Variants in CHRNA9 observed in about 807,000 individuals in gnomAD.
CHRNA9 encodes the protein cholinergic receptor nicotinic alpha 9 subunit.
CHRNA9 carries 24 observed loss-of-function variants against 36.8 expected under a neutral mutation model. The ratio of observed to expected loss-of-function variants is 0.65; its 90% CI spans 0.47 to 0.92. The LOEUF (loss-of-function observed/expected upper bound fraction) is 0.92, where lower values mean the gene tolerates loss of function less well. Ranked by LOEUF, CHRNA9 falls within the 40% of genes least tolerant of loss-of-function variation. The probability of loss-of-function intolerance (pLI) is 0.00; values close to 1 mark genes in which losing one functional copy is unlikely to be tolerated. For missense variants in CHRNA9, 610 were observed against 601.2 expected (o/e 1.01, Z -0.15); for synonymous variants, 231 against 231.8 (o/e 1.00, Z 0.03).
At position 40,349,266 on chromosome 4, in the gene CHRNA9, CA is replaced by C. The variant is rs1281616387; in HGVS notation, c.751del (p.Ile251TyrfsTer7). On this transcript the variant is annotated frameshift_variant, in exon 4 of 5. Coordinates refer to ENST00000310169, the MANE Select transcript of CHRNA9 (RefSeq NM_017581.4). LOFTEE classifies it high-confidence loss of function. ...IVNLLIPCVL[I>X]SFLAPLSFYL... The stretch of plus-strand genomic sequence containing the variant: ...TCAACCTCCTCATCCCATGCGTCCT[CA>C]TATCTTTTCTGGCTCCTCTGAGTTT... 1.2e-6 allele frequency: 2 copies of C among 1,614,172 alleles called. No homozygotes were observed.
intron 2 of CHRNA9, among the ~76,000 whole-genome samples, chr4:40,336,805 T>G (rs1370982070): frequency 6.6e-6 from 1 of 152,190 alleles, no homozygotes; most frequent in Non-Finnish European, 1.5e-5. Context: ...AAAAAGGTAG[T>G]GTTTTAAGAT....
rs183841922 is a variant in CHRNA9, at chr4:40,353,616, C to T, written c.899-363C>T. Among the ~76,000 whole-genome samples, 45 of 152,276 alleles carry T rather than the reference C, an allele frequency of 3.0e-4. No individual in the cohort carries two copies. The East Asian group carries it at 8.3e-3, about 28-fold the overall frequency. ...TAACAATGTTTTGGTAAATGACAGA[C>T]CGTGTATACAACAATGGTCCCATAA... On this transcript the variant is annotated intron_variant, in intron 4 of 4. Coordinates refer to ENST00000310169, the MANE Select transcript of CHRNA9 (RefSeq NM_017581.4).
At chr4:40,338,664 C>A (rs1223014374) in intron 3 of CHRNA9, among the ~76,000 whole-genome samples, 1 of 151,954 alleles carries the variant, frequency 6.6e-6, no homozygotes, top group Non-Finnish European at 1.5e-5. Context: ...ACTCAGAGAG[C>A]TCATCTAAGG....
In CHRNA9 at chr4:40,350,219, C is replaced by A. The variant is rs142180664; in HGVS notation, c.898+805C>A. Among the ~76,000 whole-genome samples, 6 of 152,244 alleles carry A rather than the reference C, an allele frequency of 3.9e-5. No homozygotes were observed. In the East Asian group the frequency reaches 9.6e-4, roughly 24 times the overall value. On this transcript the variant is annotated intron_variant, in intron 4 of 4. Coordinates refer to ENST00000310169, the MANE Select transcript of CHRNA9 (RefSeq NM_017581.4). The stretch of plus-strand genomic sequence containing the variant: ...GTGTATTAAAATGCAAGTTCCTACA[C>A]CCAGAGAGTTTGATTTAGCAACTTG...
At chr4:40,348,005 C>G (rs551782852) in intron 3 of CHRNA9, 1 of 152,320 alleles carries the variant, frequency 6.6e-6, no homozygotes, top group African/African-American at 2.4e-5. Flanking sequence ...AAAAAGTAAA[C>G]AACCAGCTCT....
At chr4:40,344,296 T>C (rs6447434) in intron 3 of CHRNA9, among the ~76,000 whole-genome samples, 20,960 of 152,126 alleles carry the variant, frequency 0.14, 2,949 homozygotes, top group African/African-American at 0.36. Flanking sequence ...TTTGGGAGGT[T>C]GAGGTGGGTG....
At chr4:40,351,148 G>A (rs1712795032) in intron 4 of CHRNA9, among the ~76,000 whole-genome samples, 1 of 150,932 alleles carries the variant, frequency 6.6e-6, no homozygotes, top group African/African-American at 2.4e-5. Context: ...GACCAGCCTG[G>A]CCAACATGGT....
In CHRNA9 at chr4:40,349,106, T is replaced by C. The variant is rs768947321; in HGVS notation, c.590T>C (p.Phe197Ser). 1 of 1,614,154 alleles carries C rather than the reference T, an allele frequency of 6.2e-7. No homozygotes were observed. Among genetic ancestry groups the C allele is most frequent in the Non-Finnish European group, 8.5e-7 (1 of 1,180,010 alleles). The change falls in exon 4 of 5, where the codon TTC becomes TCC. Residue 197 changes from phenylalanine to serine, a missense_variant. Physicochemically the swap from Phe to Ser is radical, Grantham distance 155 (BLOSUM62 -2). Transcript: ENST00000310169. Reference sequence around the variant, plus strand: ...TTGGACAGCGGAGATCTCTCTGACTTCATTGAAGATGTGGAATGGGAGGTC... The same window carrying C: ...TTGGACAGCGGAGATCTCTCTGACTCCATTGAAGATGTGGAATGGGAGGTC... ...NALDSGDLSDFIEDVEWEVHG... is the reference protein window; with the variant it reads ...NALDSGDLSDSIEDVEWEVHG...
At chr4:40,342,768 G>A (rs867232335) in intron 3 of CHRNA9, among the ~76,000 whole-genome samples, 1 of 151,994 alleles carries the variant, frequency 6.6e-6, no homozygotes, top group South Asian at 2.1e-4. Flanking sequence ...GAGGTAGAAG[G>A]GCCAGGGAGA....
intron 3 of CHRNA9, among the ~76,000 whole-genome samples, chr4:40,345,061 T>G (rs942938637): frequency 3.3e-5 from 5 of 151,618 alleles, no homozygotes; most frequent in Admixed American, 1.3e-4. Flanking sequence ...ATTGGTGGAG[T>G]GGGAGTGAAG....
intron 3 of CHRNA9, chr4:40,348,243 G>T (rs1056997927): frequency 6.6e-6 from 1 of 152,526 alleles, no homozygotes; most frequent in African/African-American, 2.4e-5. Flanking sequence ...AATGGGAGAG[G>T]AAGTAATGGG....
chr4:40,343,555 T>A (rs1207548746), intron 3 of CHRNA9, among the ~76,000 whole-genome samples: 1 of 152,210 alleles, frequency 6.6e-6, no homozygotes, highest in Non-Finnish European at 1.5e-5. Context: ...TTATGTGAGC[T>A]ACACTTCGAG....
chr4:40,355,086 T>C lies in CHRNA9; in HGVS notation c.*566T>C, dbSNP rs969816653. The C allele has an allele frequency of 1.3e-5, 2 of 152,548 alleles. No homozygotes were observed. Among genetic ancestry groups the C allele is most frequent in the African/African-American group, 4.8e-5 (2 of 41,468 alleles). 9.4% of individuals were successfully genotyped at this position (152,548 alleles called of 1,614,324 possible). ...AAAAGAACTTTCTTCATAATGGTGA[T>C]GTCGTATATGTTGGTTATGTTTTAT... On this transcript the variant is annotated 3_prime_UTR_variant, in exon 5 of 5. Coordinates refer to ENST00000310169, the MANE Select transcript of CHRNA9 (RefSeq NM_017581.4).
intron 3 of CHRNA9, chr4:40,338,253 T>A (rs532786948): frequency 6.6e-6 from 1 of 152,230 alleles, no homozygotes; most frequent in East Asian, 1.9e-4. Context: ...TAGGTAAAGT[T>A]TATGTTTCGC....
At chr4:40,353,037 ATTAT>A (rs1030725133) in intron 4 of CHRNA9, among the ~76,000 whole-genome samples, 1 of 152,144 alleles carries the variant, frequency 6.6e-6, no homozygotes, top group African/African-American at 2.4e-5. Context: ...CGAGTTAGAT[ATTAT>A]TATTACACCC....
chr4:40,335,628 A>G (rs1712294264), intron 1 of CHRNA9, 97 bp downstream of exon 1: 1 of 1,080,354 alleles, frequency 9.3e-7, no homozygotes, highest in African/African-American at 1.5e-5. Context: ...CAGATGATTC[A>G]ACCGCATGGA....
chr4:40,344,749 A>G (rs2109683310), intron 3 of CHRNA9, among the ~76,000 whole-genome samples: 1 of 152,304 alleles, frequency 6.6e-6, no homozygotes, highest in Non-Finnish European at 1.5e-5. Flanking sequence ...TATGAGAAGT[A>G]AATAAGAATT....
Position 40,349,319 on chromosome 4 carries a change from A to G in CHRNA9, c.803A>G (p.Lys268Arg). ...TATCTCCCAGCAGCCTCCGGAGAAAAGGTCTCCCTGGGAGTGACCATCCTG... is the reference window on the plus strand; with the variant it reads ...TATCTCCCAGCAGCCTCCGGAGAAAGGGTCTCCCTGGGAGTGACCATCCTG... ...SFYLPAASGE[K>R]VSLGVTILLA... The change falls in exon 4 of 5, where the codon AAG (lysine) becomes AGG (arginine). Residue 268 changes from lysine to arginine, a missense_variant. Physicochemically the swap from Lys to Arg is conservative, Grantham distance 26. Coordinates refer to ENST00000310169, the MANE Select transcript of CHRNA9 (RefSeq NM_017581.4). The G allele has an allele frequency of 6.2e-7, 1 of 1,613,994 alleles. No individual in the cohort carries two copies. Among genetic ancestry groups the G allele is most frequent in the Non-Finnish European group, 8.5e-7 (1 of 1,179,948 alleles).
chr4:40,336,596 C>T (rs1182486913), intron 2 of CHRNA9, among the ~76,000 whole-genome samples: 1 of 152,088 alleles, frequency 6.6e-6, no homozygotes, highest in Non-Finnish European at 1.5e-5. Context: ...CCTGCCTCAG[C>T]CTCCTGAGTA....
Sources: allele counts gnomAD v4.1 joint callset (sites outside exome capture counted in the v4.1 genomes callset), GRCh38; gene constraint gnomAD v4.1.1; transcripts MANE v1.5; gene names NCBI Gene and HGNC (gene_info 2026-07-23, HGNC 2026-07-21).